The following NUP54 variants were observed in gnomAD, a reference collection of about 807,000 sequenced individuals.
The protein encoded by NUP54 is nucleoporin p54.
Under a neutral mutation model 66.4 loss-of-function variants are expected in NUP54, and 27 were observed. The observed-to-expected ratio is 0.41, with a 90% CI of 0.30 to 0.56. NUP54 has a LOEUF of 0.56. Among genes scored for constraint, NUP54 ranks in the 20% least tolerant of loss-of-function variants. The pLI, the probability that NUP54 is intolerant of heterozygous loss-of-function variation, is 0.34. For missense variants in NUP54, 486 were observed against 596.3 expected, an observed-to-expected ratio of 0.82 and a Z score of 1.93; for synonymous variants, 206 against 210.7, an observed-to-expected ratio of 0.98 and a Z score of 0.19.
At chr4:76,140,928 G>A (rs1271435675) in intron 3 of NUP54, among the ~76,000 whole-genome samples, 1 of 152,178 alleles carries the variant, frequency 6.6e-6, no homozygotes, top group Non-Finnish European at 1.5e-5. Context: ...TGGAATCTAA[G>A]CTAGTTAGAG....
chr4:76,123,321 T>G (rs1730313853), intron 9 of NUP54, among the ~76,000 whole-genome samples: 1 of 152,220 alleles, frequency 6.6e-6, no homozygotes, highest in Non-Finnish European at 1.5e-5. Flanking sequence ...TTAGACAAAA[T>G]TTGGCAATGA....
chr4:76,144,323 TAAAA>T (rs33913434), intron 2 of NUP54, 31 bp from the exon 3 acceptor site: 4,604 of 1,530,170 alleles, frequency 3.0e-3, no homozygotes, highest in East Asian at 0.014. Flanking sequence ...CTTCGTAAGT[TAAAA>T]AAAAAAAAAA....
chr4:76,130,653 T>C lies in NUP54; in HGVS notation c.1056+3A>G. ...GCCAGGGAATAAAAAGCTAAATGCT[T>C]ACATCTAATCTGGTTTGATGCTGCT... On this transcript the variant is annotated splice_donor_region_variant and intron_variant, in intron 8 of 11. Transcript: ENST00000264883. The C allele has an allele frequency of 1.2e-6, 2 of 1,605,464 alleles. No homozygotes were observed. The highest frequency in any genetic ancestry group is 1.7e-6 in the Non-Finnish European group (2 of 1,172,462).
intron 9 of NUP54, among the ~76,000 whole-genome samples, chr4:76,120,443 T>TTC (rs1560675035): frequency 6.9e-5 from 8 of 116,054 alleles, no homozygotes; most frequent in East Asian, 2.8e-4. Flanking sequence ...TTTTTTTTTT[T>TTC]TCCCCAGATG....
intron 8 of NUP54, among the ~76,000 whole-genome samples, chr4:76,130,161 TAG>T (rs1730740519): frequency 6.6e-6 from 1 of 151,668 alleles, no homozygotes; most frequent in South Asian, 2.1e-4. Context: ...TTGAATTTTT[TAG>T]TACAGACCAG....
Position 76,130,668 on chromosome 4 carries a change from T to C in NUP54, c.1044A>G (p.Gln348=), listed in dbSNP as rs2109881695. Residue 348 remains glutamine (Q), a synonymous_variant, in exon 8 of 12, where the codon CAA becomes CAG. Coordinates refer to ENST00000264883, the MANE Select transcript of NUP54 (RefSeq NM_017426.4). ...KVQDQMTKQH[Q]TRLDIISEDI... ...GCTAAATGCTTACATCTAATCTGGTTTGATGCTGCTTAGTCATCTGATCTT... is the reference window on the plus strand; with the variant it reads ...GCTAAATGCTTACATCTAATCTGGTCTGATGCTGCTTAGTCATCTGATCTT... 2 of 1,612,446 alleles carry C rather than the reference T, an allele frequency of 1.2e-6. No individual in the cohort carries two copies. The highest frequency in any genetic ancestry group is 4.5e-5 in the East Asian group (2 of 44,820).
intron 3 of NUP54, among the ~76,000 whole-genome samples, chr4:76,140,548 G>A (rs187153345): frequency 2.5e-4 from 38 of 152,286 alleles, no homozygotes; most frequent in African/African-American, 8.9e-4. Context: ...AAAGTGCTGG[G>A]ATTACAGATG....
chr4:76,146,715 C>A (rs13127201), intron 1 of NUP54, among the ~76,000 whole-genome samples: 73,126 of 152,016 alleles, frequency 0.48, 18,616 homozygotes, highest in East Asian at 0.9. Flanking sequence ...TGTAAAGTAC[C>A]CATAAACCTA....
Position 76,124,742 on chromosome 4 carries a change from A to C in NUP54, c.1071T>G (p.Asp357Glu). Reference sequence around the variant, plus strand: ...TTTGATTCTTTTGTAGCTCACTAATATCTTCAGATATGATCTGTTTAAAAA... The same window carrying C: ...TTTGATTCTTTTGTAGCTCACTAATCTCTTCAGATATGATCTGTTTAAAAA... ...HQTRLDIISE[D>E]ISELQKNQTT... is the part of the protein sequence containing the mutation. Residue 357 changes from aspartate to glutamate, a missense_variant, in exon 9 of 12, where the codon GAT (aspartate) becomes GAG (glutamate). Asp to Glu is a conservative substitution (Grantham distance 45). Coordinates refer to ENST00000264883, the MANE Select transcript of NUP54 (RefSeq NM_017426.4). 7.5e-7 allele frequency: 1 copy of C among 1,326,340 alleles called. No homozygotes were observed. Among genetic ancestry groups the C allele is most frequent in the Non-Finnish European group, 1.0e-6 (1 of 961,848 alleles). 82.2% of individuals were successfully genotyped at this position (1,326,340 alleles called of 1,614,324 possible).
chr4:76,139,749 A>T (rs1250713736), intron 3 of NUP54, among the ~76,000 whole-genome samples: 1 of 152,236 alleles, frequency 6.6e-6, no homozygotes, highest in Admixed American at 6.5e-5. Flanking sequence ...ATGAAATGAC[A>T]CGCTTGGGAT....
intron 6 of NUP54, 43 bp downstream of exon 6, chr4:76,132,480 A>G (rs777810439): frequency 1.4e-6 from 2 of 1,480,330 alleles, no homozygotes; most frequent in East Asian, 4.7e-5. Context: ...GTTTAGTTCT[A>G]AATCTTTCTT....
chr4:76,146,065 A>G, intron 1 of NUP54: 1 of 442,012 alleles, frequency 2.3e-6, no homozygotes, highest in Non-Finnish European at 4.5e-6. Context: ...TGGCTACGCA[A>G]TAGAAACACT....
rs1730766457 is a variant in NUP54 at position 76,130,750 on chromosome 4, C to G, written c.963-1G>C. 6.2e-7 allele frequency: 1 copy of G among 1,606,820 alleles called. No individual in the cohort carries two copies. Among genetic ancestry groups the G allele is most frequent in the Non-Finnish European group, 8.5e-7 (1 of 1,174,160 alleles). On this transcript the variant is annotated splice_acceptor_variant, in intron 7 of 11. Transcript: ENST00000264883. LOFTEE classifies it high-confidence loss of function. ...ACCCACCATTGGTACAGGAATTAAC[C>G]TGAAGAAACGCAGTGAACAATTTTC...
At position 76,145,610 on chromosome 4, in the gene NUP54, T is replaced by G. The variant is rs1415786002; in HGVS notation, c.68-1137A>C. 3 of 1,248,842 alleles carry G rather than the reference T, an allele frequency of 2.4e-6. No homozygotes were observed. The South Asian group carries it at 3.9e-5, about 16-fold the overall frequency. 77.4% of individuals were successfully genotyped at this position (1,248,842 alleles called of 1,614,324 possible). A position where few individuals can be genotyped will look rare whatever the true frequency, so the allele number is the denominator to read the frequency against. On this transcript the variant is annotated intron_variant, in intron 1 of 11. Transcript: ENST00000264883. Reference sequence around the variant, plus strand: ...GAAGAGATTTGACAGATAAATGGAATGCTAGCCAATCTAAAATTGTTTTGT... The same window carrying G: ...GAAGAGATTTGACAGATAAATGGAAGGCTAGCCAATCTAAAATTGTTTTGT...
chr4:76,130,921 C>G, intron 7 of NUP54, 172 bp from the exon 8 acceptor site: 1 of 610,560 alleles, frequency 1.6e-6, no homozygotes, highest in Non-Finnish European at 2.9e-6. Flanking sequence ...TTCAACCTCC[C>G]TATTTTACAA....
chr4:76,122,800 C>G (rs1193766298), intron 9 of NUP54, among the ~76,000 whole-genome samples: 2 of 152,066 alleles, frequency 1.3e-5, no homozygotes, highest in African/African-American at 4.8e-5. Context: ...AGGAGAACCA[C>G]CAAAATGTCC....
At chr4:76,120,348 T>C (rs191881443) in intron 9 of NUP54, among the ~76,000 whole-genome samples, 243 of 152,204 alleles carry the variant, frequency 1.6e-3, no homozygotes, top group African/African-American at 5.7e-3. Context: ...AGAATACCCT[T>C]TCCCCACATT....
At chr4:76,138,211 A>T (rs1254899121) in intron 3 of NUP54, among the ~76,000 whole-genome samples, 1 of 152,192 alleles carries the variant, frequency 6.6e-6, no homozygotes, top group South Asian at 2.1e-4. Context: ...GTTTATTATA[A>T]GGTCGCTTTC....
chr4:76,125,776 G>A (rs1322068129), intron 8 of NUP54, among the ~76,000 whole-genome samples: 3 of 33,034 alleles, frequency 9.1e-5, no homozygotes, highest in African/African-American at 1.4e-4. Flanking sequence ...GGGGAGAGAG[G>A]GAGAGAGGGG....
Sources: gnomAD v4.1 joint callset for allele counts (sites outside exome capture counted in the v4.1 genomes callset) on GRCh38, gnomAD v4.1.1 for gene constraint, MANE v1.5 for transcripts, NCBI Gene and HGNC (gene_info 2026-07-23, HGNC 2026-07-21) for gene names.